ATCAY: variants seen among roughly 807,000 people sequenced by gnomAD.
ATCAY encodes the protein ATCAY kinesin light chain interacting caytaxin, also known as caytaxin.
ATCAY carries 22 observed loss-of-function variants against 47.7 expected under a neutral mutation model. That is an observed-to-expected ratio of 0.46 (90% CI 0.33 to 0.66). The LOEUF is 0.66. Ranked by LOEUF, ATCAY falls within the 30% of genes least tolerant of loss-of-function variation. ATCAY has a pLI of 0.02. For missense variants in ATCAY, 452 were observed against 515.0 expected, an observed-to-expected ratio of 0.88 and a Z score of 1.18; for synonymous variants, 216 against 207.6, an observed-to-expected ratio of 1.04 and a Z score of -0.35.
rs867585582 is a variant in ATCAY at position 3,881,870 on chromosome 19, C to A, written c.-42+862C>A. ...GCCTGGCTGGCTGCTGCCACCGCCC[C>A]CCCCCCGACCCCATAGCATCCAGGA... On this transcript the variant is annotated intron_variant, in intron 1 of 12. Coordinates refer to ENST00000450849, the MANE Select transcript of ATCAY (RefSeq NM_033064.5). 3.6e-4 allele frequency among the ~76,000 whole-genome samples: 49 copies of A among 135,660 alleles called. 2 individuals are homozygous for A. In the East Asian group the frequency reaches 5.9e-3, roughly 16 times the overall value. 89.0% of individuals were successfully genotyped at this position (135,660 alleles called of 152,430 possible).
intron 9 of ATCAY, among the ~76,000 whole-genome samples, chr19:3,917,011 T>G (rs957716174): frequency 6.6e-6 from 1 of 152,032 alleles, no homozygotes; most frequent in Admixed American, 6.6e-5. Context: ...TTTCACCATG[T>G]TGGCCAGGAT....
chr19:3,905,603 T>C lies in ATCAY; in HGVS notation c.306T>C (p.Asp102=), dbSNP rs2038852953. ...ACGTGGATGACATCGAGACCCCCGATGAGACCGACTCGCTGGAGTTCCTGG... is the reference window on the plus strand; with the variant it reads ...ACGTGGATGACATCGAGACCCCCGACGAGACCGACTCGCTGGAGTTCCTGG... ...DINVDDIETP[D]ETDSLEFLGN... The change falls in exon 4 of 13, where the codon GAT becomes GAC. Residue 102 remains aspartate (D), a synonymous_variant. Transcript: ENST00000450849. The C allele has an allele frequency of 6.2e-7, 1 of 1,612,920 alleles. No individual in the cohort carries two copies. Among genetic ancestry groups the C allele is most frequent in the African/African-American group, 1.3e-5 (1 of 74,904 alleles).
At position 3,902,504 on chromosome 19, in the gene ATCAY, C is replaced by T. The variant is rs769474716; in HGVS notation, c.95C>T (p.Thr32Met). Reference protein sequence around the residue: ...EDLPRPLPEETGVELLGSPVE... With the variant: ...EDLPRPLPEEMGVELLGSPVE... ...GTCCGCAGGCCACTCCCAGAAGAGA[C>T]GGGGGTGGAACTGCTTGGCAGCCCG... Residue 32 changes from threonine (T) to methionine (M), a missense_variant, in exon 3 of 13, where the codon ACG becomes ATG. Physicochemically the swap from Thr to Met is moderately conservative, Grantham distance 81 (BLOSUM62 -1). Coordinates refer to ENST00000450849, the MANE Select transcript of ATCAY (RefSeq NM_033064.5). The T allele has an allele frequency of 3.9e-5, 61 of 1,579,910 alleles. No homozygotes were observed. The East Asian group carries it at 9.0e-4, about 23-fold the overall frequency.
chr19:3,887,694 G>A (rs978193470), intron 2 of ATCAY, among the ~76,000 whole-genome samples: 15 of 150,388 alleles, frequency 1.0e-4, no homozygotes, highest in East Asian at 6.2e-4. Flanking sequence ...CACCATGTTA[G>A]CCAGGATGGT....
At chr19:3,905,876 A>T (rs1300390867) in intron 4 of ATCAY, among the ~76,000 whole-genome samples, 2 of 151,936 alleles carry the variant, frequency 1.3e-5, no homozygotes, top group East Asian at 1.9e-4. Flanking sequence ...TAAAATTTTT[A>T]AAAAAGAGAG....
chr19:3,922,069 T>A, intron 12 of ATCAY: 1 of 682,030 alleles, frequency 1.5e-6, no homozygotes, highest in Non-Finnish European at 2.7e-6. Context: ...TGCTGCCAAC[T>A]AGAGAAGCTG....
chr19:3,885,880 G>C (rs1048180602), intron 2 of ATCAY, 36 bp downstream of exon 2: 4 of 1,545,796 alleles, frequency 2.6e-6, no homozygotes, highest in Non-Finnish European at 3.5e-6. Flanking sequence ...ACCGTTGGGG[G>C]AGCAGGTGTC....
chr19:3,887,677 G>A lies in ATCAY; in HGVS notation c.77+1833G>A, dbSNP rs572769143. On this transcript the variant is annotated intron_variant, in intron 2 of 12. Transcript: ENST00000450849. Reference sequence around the variant, plus strand: ...AATTTTTTGTATTTTTAGTAGAGACGGGGTTTCACCATGTTAGCCAGGATG... The same window carrying A: ...AATTTTTTGTATTTTTAGTAGAGACAGGGTTTCACCATGTTAGCCAGGATG... Among the ~76,000 whole-genome samples, 69 of 150,286 alleles carry A rather than the reference G, an allele frequency of 4.6e-4. No homozygotes were observed. In the East Asian group the frequency reaches 0.011, roughly 24 times the overall value.
intron 1 of ATCAY, among the ~76,000 whole-genome samples, chr19:3,883,258 A>C (rs191536502): frequency 3.2e-4 from 48 of 152,198 alleles, no homozygotes; most frequent in African/African-American, 9.4e-4. Flanking sequence ...CCTGTAGTCC[A>C]AGCTACTCAA....
chr19:3,908,294 A>T lies in ATCAY; in HGVS notation c.571A>T (p.Ile191Phe). The T allele has an allele frequency of 6.3e-7, 1 of 1,584,510 alleles. No individual in the cohort carries two copies. The highest frequency in any genetic ancestry group is 8.6e-7 in the Non-Finnish European group (1 of 1,165,334). The change falls in exon 6 of 13, where the codon ATC becomes TTC. Residue 191 changes from isoleucine (I) to phenylalanine (F), a missense_variant. Physicochemically the swap from Ile to Phe is conservative, Grantham distance 21. Transcript: ENST00000450849. ...GGYYGEGLNA[I>F]IVFAACFLPD... ...GTACTACGGCGAAGGCCTCAACGCCATCATCGTCTTCGCAGCCTGCTTCCT... is the reference window on the plus strand; with the variant it reads ...GTACTACGGCGAAGGCCTCAACGCCTTCATCGTCTTCGCAGCCTGCTTCCT...
intron 6 of ATCAY, among the ~76,000 whole-genome samples, chr19:3,908,709 T>TCTCCTCCTCCTCCCC (rs2038890781): frequency 4.3e-5 from 1 of 23,324 alleles, no homozygotes; most frequent in Non-Finnish European, 9.2e-5. Context: ...TCCTCCTCCC[T>TCTCCTCCTCCTCCCC]TTTCTCCTCC....
intron 1 of ATCAY, among the ~76,000 whole-genome samples, chr19:3,881,866 G>GCCCCCCCCC (rs34938220): frequency 1.7e-5 from 2 of 117,612 alleles, no homozygotes; most frequent in African/African-American, 7.1e-5. Flanking sequence ...TGCTGCCACC[G>GCCCCCCCCC]CCCCCCCCCC....
intron 2 of ATCAY, among the ~76,000 whole-genome samples, chr19:3,894,374 C>T (rs191803990): frequency 0.013 from 2,029 of 151,504 alleles, 50 homozygotes; most frequent in African/African-American, 0.046. Context: ...GTCCCAGCTA[C>T]TCGGGAGGCT....
At chr19:3,923,317 G>T (rs2039035779) in intron 12 of ATCAY, among the ~76,000 whole-genome samples, 1 of 152,180 alleles carries the variant, frequency 6.6e-6, no homozygotes, top group Non-Finnish European at 1.5e-5. Flanking sequence ...AGCAGAATTA[G>T]ATCTTGCCTG....
rs1568442501 is a variant in ATCAY at position 3,885,127 on chromosome 19, A to AC, written c.-41-600_-41-599insC. 1.1e-4 allele frequency among the ~76,000 whole-genome samples: 16 copies of AC among 150,028 alleles called. No homozygotes were observed. In the East Asian group the frequency reaches 2.4e-3, roughly 22 times the overall value. On this transcript the variant is annotated intron_variant, in intron 1 of 12. Coordinates refer to ENST00000450849, the MANE Select transcript of ATCAY (RefSeq NM_033064.5). ...TTTTTTTTAAAAAAAAAAAAAAAAA[A>AC]AAAAAAAACAGCCAAGCTCAGTGGC...
At chr19:3,881,205 G>C (rs1158270860) in intron 1 of ATCAY, among the ~76,000 whole-genome samples, 197 bp downstream of exon 1, 2 of 151,956 alleles carry the variant, frequency 1.3e-5, no homozygotes, top group African/African-American at 4.8e-5. Flanking sequence ...GCTGCGCCCA[G>C]CAACACAGTT....
At chr19:3,884,515 G>T (rs527806633) in intron 1 of ATCAY, among the ~76,000 whole-genome samples, 1 of 152,198 alleles carries the variant, frequency 6.6e-6, no homozygotes, top group East Asian at 1.9e-4. Context: ...TTCCCAGCAC[G>T]GAAGCTGAAG....
rs1191930654 is a variant in ATCAY at position 3,907,191 on chromosome 19, T to C, written c.359-543T>C. ...ACAATGTAGTGGCTCATTCCTGTAA[T>C]CCCAGAGCTTCGGGAGGCCAGGGTA... On this transcript the variant is annotated intron_variant, in intron 4 of 12. Coordinates refer to ENST00000450849, the MANE Select transcript of ATCAY (RefSeq NM_033064.5). The surrounding 1 kb of genome is among the most constrained non-coding windows in gnomAD (Gnocchi z 5.1). Among the ~76,000 whole-genome samples, 3 of 150,212 alleles carry C rather than the reference T, an allele frequency of 2.0e-5. No homozygotes were observed. The highest frequency in any genetic ancestry group is 7.4e-5 in the African/African-American group (3 of 40,812).
chr19:3,908,768 T>TCCCCCTCTTCCCCTTCCCTCTCCTCCA (rs2038892638), intron 6 of ATCAY, among the ~76,000 whole-genome samples: 1 of 62,310 alleles, frequency 1.6e-5, no homozygotes, highest in African/African-American at 6.4e-5. Context: ...CCTCTCCTCC[T>TCCCCCTCTTCCCCTTCCCTCTCCTCCA]CCCCCCTCTT....
Sources: gnomAD v4.1 joint callset for allele counts (sites outside exome capture counted in the v4.1 genomes callset) on GRCh38, gnomAD v4.1.1 for gene constraint, Gnocchi (gnomAD v3.1) non-coding constraint, MANE v1.5 for transcripts, NCBI Gene and HGNC (gene_info 2026-07-23, HGNC 2026-07-21) for gene names.